The following CTTNBP2NL variants were observed in gnomAD, a reference collection of about 807,000 sequenced individuals.
CTTNBP2NL encodes CTTNBP2 N-terminal-like protein.
CTTNBP2NL carries 16 observed loss-of-function variants against 32.5 expected under a neutral mutation model. The observed-to-expected ratio is 0.49, with a 90% confidence interval of 0.33 to 0.75. The LOEUF (loss-of-function observed/expected upper bound fraction) is 0.75. Among genes scored for constraint, CTTNBP2NL ranks in the 30% least tolerant of loss-of-function variants. The probability of loss-of-function intolerance (pLI) is 0.02; values close to 1 mark genes in which losing one functional copy is unlikely to be tolerated. For synonymous variants in CTTNBP2NL, 298 were observed against 289.4 expected, an observed-to-expected ratio of 1.03 and a Z score of -0.30; for missense variants, 645 against 756.0, an observed-to-expected ratio of 0.85 and a Z score of 1.72.
At chr1:112,397,919 G>C (rs1267344186) in intron 1 of CTTNBP2NL, among the ~76,000 whole-genome samples, 1 of 152,144 alleles carries the variant, frequency 6.6e-6, no homozygotes, top group East Asian at 1.9e-4. Context: ...TGAATAGTTA[G>C]GTTTGAAGTT....
chr1:112,397,066 G>A (rs903875557), intron 1 of CTTNBP2NL, among the ~76,000 whole-genome samples: 1 of 152,172 alleles, frequency 6.6e-6, no homozygotes, highest in African/African-American at 2.4e-5. Flanking sequence ...TCCTCCCTGA[G>A]AACTTGATGA....
intron 1 of CTTNBP2NL, among the ~76,000 whole-genome samples, chr1:112,399,952 C>A (rs937853964): frequency 6.6e-6 from 1 of 151,920 alleles, no homozygotes; most frequent in African/African-American, 2.4e-5. Flanking sequence ...ACCTGTAATC[C>A]CAGCTACTCG....
intron 2 of CTTNBP2NL, 104 bp from the exon 3 acceptor site, chr1:112,416,053 G>T: frequency 1.5e-6 from 1 of 674,778 alleles, no homozygotes; most frequent in Non-Finnish European, 2.6e-6. Flanking sequence ...CTTTATTAAG[G>T]CATTTGATAC....
intron 2 of CTTNBP2NL, among the ~76,000 whole-genome samples, chr1:112,413,516 A>G (rs959266517): frequency 6.6e-6 from 1 of 152,162 alleles, no homozygotes; most frequent in African/African-American, 2.4e-5. Flanking sequence ...CAGATTAGAA[A>G]ACGGAGTCAG....
intron 3 of CTTNBP2NL, among the ~76,000 whole-genome samples, chr1:112,428,106 C>A (rs980918344): frequency 1.3e-5 from 2 of 149,550 alleles, no homozygotes; most frequent in African/African-American, 5.1e-5. Context: ...CACACACTCA[C>A]ACACATACAC....
At chr1:112,451,418 G>A (rs1457014028) in intron 4 of CTTNBP2NL, among the ~76,000 whole-genome samples, 8 of 149,018 alleles carry the variant, frequency 5.4e-5, no homozygotes, top group African/African-American at 1.7e-4. Flanking sequence ...TGTGACAGAG[G>A]CCAGATGCTG....
intron 1 of CTTNBP2NL, among the ~76,000 whole-genome samples, chr1:112,410,656 A>C (rs992199827): frequency 2.6e-5 from 4 of 152,232 alleles, no homozygotes; most frequent in African/African-American, 9.6e-5. Flanking sequence ...ATCTATGTCT[A>C]AACTCTAAGG....
intron 3 of CTTNBP2NL, among the ~76,000 whole-genome samples, chr1:112,441,281 A>G (rs1649885759): frequency 6.6e-6 from 1 of 152,184 alleles, no homozygotes; most frequent in African/African-American, 2.4e-5. Context: ...CCACAACTTC[A>G]TCTAAACAAA....
chr1:112,397,417 T>C (rs1464135856), intron 1 of CTTNBP2NL, among the ~76,000 whole-genome samples: 1 of 152,192 alleles, frequency 6.6e-6, no homozygotes, highest in African/African-American at 2.4e-5. Flanking sequence ...CTAACCCCTT[T>C]TTTATAGTGT....
intron 1 of CTTNBP2NL, among the ~76,000 whole-genome samples, chr1:112,399,413 A>AT (rs756781943): frequency 2.8e-4 from 42 of 151,114 alleles, no homozygotes; most frequent in Non-Finnish European, 5.0e-4. Flanking sequence ...TTTTTAGTTG[A>AT]TTTTGTGTTT....
chr1:112,400,992 G>T (rs1268274644), intron 1 of CTTNBP2NL, among the ~76,000 whole-genome samples: 1 of 146,724 alleles, frequency 6.8e-6, no homozygotes, highest in Non-Finnish European at 1.5e-5. Context: ...AAAAAAAAAG[G>T]ATTACATGAA....
chr1:112,411,233 C>G (rs1373117360), intron 1 of CTTNBP2NL, among the ~76,000 whole-genome samples: 1 of 152,150 alleles, frequency 6.6e-6, no homozygotes, highest in Non-Finnish European at 1.5e-5. Flanking sequence ...TTATTTCTTC[C>G]TTTGACACTG....
intron 3 of CTTNBP2NL, among the ~76,000 whole-genome samples, chr1:112,442,463 CA>C (rs1437948215): frequency 2.6e-5 from 4 of 152,172 alleles, no homozygotes; most frequent in Non-Finnish European, 5.9e-5. Flanking sequence ...TTAATCTGTT[CA>C]GTACTTGTTG....
In CTTNBP2NL at chr1:112,455,970, G is replaced by A. The variant is rs926749277; in HGVS notation, c.478G>A (p.Glu160Lys). 8 of 1,590,866 alleles carry A rather than the reference G, an allele frequency of 5.0e-6. No individual in the cohort carries two copies. Among genetic ancestry groups the A allele is most frequent in the Non-Finnish European group, 6.8e-6 (8 of 1,173,316 alleles). Residue 160 changes from glutamate (E) to lysine (K), a missense_variant, in exon 6 of 6, where the codon GAA (glutamate) becomes AAA (lysine). By Grantham distance (56) the Glu-to-Lys change is moderately conservative. Coordinates refer to ENST00000271277, the MANE Select transcript of CTTNBP2NL (RefSeq NM_018704.3). ...ATCCCAAGTGAAAAAGTTTGAAAAA[G>A]AACAGAAGAAGCTCTCTAGTCAGCT... ...EKSQVKKFEK[E>K]QKKLSSQLEE...
rs1295356547 is a variant in CTTNBP2NL, at chr1:112,403,780, AT to A, written c.-134+7510del. 1.6e-4 allele frequency among the ~76,000 whole-genome samples: 25 copies of A among 152,380 alleles called. No homozygotes were observed. The Middle Eastern group carries it at 0.014, about 83-fold the overall frequency. The stretch of plus-strand genomic sequence containing the variant: ...TTTTCCCAAGTATTGTGCAGATACA[AT>A]TGGCTTGAACATGTCTCTAAACTGA... On this transcript the variant is annotated intron_variant, in intron 1 of 5. Coordinates refer to ENST00000271277, the MANE Select transcript of CTTNBP2NL (RefSeq NM_018704.3).
In CTTNBP2NL at chr1:112,399,541, G is replaced by A. The variant is rs574336500; in HGVS notation, c.-134+3269G>A. ...AATACAATCAGTCTTCTCTGGATTTGTATCTTGGCAGAATCACATTTGCAG... is the reference window on the plus strand; with the variant it reads ...AATACAATCAGTCTTCTCTGGATTTATATCTTGGCAGAATCACATTTGCAG... On this transcript the variant is annotated intron_variant, in intron 1 of 5. Transcript: ENST00000271277. 4.7e-4 allele frequency among the ~76,000 whole-genome samples: 72 copies of A among 152,208 alleles called. 1 individual carries two copies. Among genetic ancestry groups the A allele is most frequent in the Admixed American group, 3.9e-3 (60 of 15,290 alleles).
At chr1:112,399,261 G>A (rs1004455225) in intron 1 of CTTNBP2NL, among the ~76,000 whole-genome samples, 1 of 146,908 alleles carries the variant, frequency 6.8e-6, no homozygotes, top group Admixed American at 7.0e-5. Flanking sequence ...AGAGTTTGCA[G>A]TGAGCTGAGA....
At chr1:112,438,678 T>C (rs1191974485) in intron 3 of CTTNBP2NL, among the ~76,000 whole-genome samples, 1 of 152,160 alleles carries the variant, frequency 6.6e-6, no homozygotes, top group East Asian at 1.9e-4. Context: ...ATATTCAGTA[T>C]GATGTTGGCT....
chr1:112,426,484 G>C (rs981145684), intron 3 of CTTNBP2NL, among the ~76,000 whole-genome samples: 1 of 151,702 alleles, frequency 6.6e-6, no homozygotes, highest in African/African-American at 2.4e-5. Flanking sequence ...TTGAAGCCAG[G>C]AGTTGAAGAC....
Sources: allele counts gnomAD v4.1 joint callset (sites outside exome capture counted in the v4.1 genomes callset), GRCh38; gene constraint gnomAD v4.1.1; transcripts MANE v1.5; gene names NCBI Gene and HGNC (gene_info 2026-07-23, HGNC 2026-07-21).